The following NTM variants were observed in gnomAD, a reference collection of about 807,000 sequenced individuals.
The protein encoded by NTM is IgLON family member 2.
NTM carries 13 observed loss-of-function variants against 42.1 expected under a neutral mutation model. The observed-to-expected ratio is 0.31, with a 90% CI of 0.20 to 0.49. The LOEUF is 0.49. Ranked by LOEUF, NTM falls within the 20% of genes least tolerant of loss-of-function variation. The pLI is 0.99. For missense variants in NTM, 373 were observed against 452.8 expected (o/e 0.82, Z 1.60); for synonymous variants, 187 against 179.2 (o/e 1.04, Z -0.35).
intron 1 of NTM, among the ~76,000 whole-genome samples, chr11:131,710,950 G>T (rs1343210560): frequency 1.3e-5 from 2 of 151,994 alleles, no homozygotes; most frequent in Non-Finnish European, 2.9e-5. Context: ...AGTATTTCTG[G>T]CTACTGCACT....
At chr11:131,712,704 C>T (rs1385603567) in intron 1 of NTM, among the ~76,000 whole-genome samples, 1 of 152,124 alleles carries the variant, frequency 6.6e-6, no homozygotes, top group Non-Finnish European at 1.5e-5. Context: ...CCACCTCAGC[C>T]TCCCAAGTAG....
chr11:131,377,789 C>T (rs984796439), intron 1 of NTM, among the ~76,000 whole-genome samples: 4 of 152,188 alleles, frequency 2.6e-5, no homozygotes, highest in Non-Finnish European at 5.9e-5. Context: ...ACACTGTGTA[C>T]TCTAGCTGCA....
chr11:131,419,554 G>A (rs1451456037), intron 1 of NTM, among the ~76,000 whole-genome samples: 1 of 152,088 alleles, frequency 6.6e-6, no homozygotes, highest in Non-Finnish European at 1.5e-5. Flanking sequence ...CAGTGAGGTG[G>A]GGGAATAGCT....
chr11:131,572,080 C>T (rs1427622832), intron 1 of NTM, among the ~76,000 whole-genome samples: 1 of 152,216 alleles, frequency 6.6e-6, no homozygotes, highest in Non-Finnish European at 1.5e-5. Context: ...AAAACATGCA[C>T]ATCAGGTCAA....
rs528241058 is a variant in NTM, at chr11:132,188,199, A to G, written c.401-23823A>G. ...CAGAGATTCTGCAAAACATCCTGCA[A>G]TGCACAGGACAGCCCCACACAACAA... On this transcript the variant is annotated intron_variant, in intron 3 of 8. Coordinates refer to ENST00000683400, the MANE Select transcript of NTM (RefSeq NM_001352005.2). Among the ~76,000 whole-genome samples, 7 of 152,262 alleles carry G rather than the reference A, an allele frequency of 4.6e-5. No homozygotes were observed. The East Asian group carries it at 1.4e-3, about 29-fold the overall frequency.
intron 1 of NTM, among the ~76,000 whole-genome samples, chr11:131,543,710 C>A (rs888666195): frequency 6.6e-6 from 1 of 152,170 alleles, no homozygotes; most frequent in Non-Finnish European, 1.5e-5. Flanking sequence ...AGCACAGGTT[C>A]GAGCGCTCTC....
chr11:131,646,727 G>A (rs1297405516), intron 1 of NTM, among the ~76,000 whole-genome samples: 2 of 152,054 alleles, frequency 1.3e-5, no homozygotes, highest in Non-Finnish European at 2.9e-5. Flanking sequence ...CAACAGAAAC[G>A]TATAGTGGGG....
chr11:131,541,528 A>T lies in NTM; in HGVS notation c.82+170640A>T, dbSNP rs1243074271. 3.3e-5 allele frequency among the ~76,000 whole-genome samples: 5 copies of T among 152,196 alleles called. No individual in the cohort carries two copies. The East Asian group carries it at 9.6e-4, about 29-fold the overall frequency. On this transcript the variant is annotated intron_variant, in intron 1 of 8. Coordinates refer to ENST00000683400, the MANE Select transcript of NTM (RefSeq NM_001352005.2). Reference sequence around the variant, plus strand: ...TCGATTTTGTGAGCTATGTAAAGTCAGTCAATTTTGTGAGCTATGTAAAGC... The same window carrying T: ...TCGATTTTGTGAGCTATGTAAAGTCTGTCAATTTTGTGAGCTATGTAAAGC...
intron 1 of NTM, among the ~76,000 whole-genome samples, chr11:131,375,737 T>G (rs1417304223): frequency 6.6e-6 from 1 of 152,198 alleles, no homozygotes; most frequent in African/African-American, 2.4e-5. Flanking sequence ...AAAAGAGCTC[T>G]GGCTTCTGCT....
intron 1 of NTM, among the ~76,000 whole-genome samples, chr11:131,789,482 A>G (rs868562827): frequency 1.8e-4 from 2 of 11,406 alleles, no homozygotes; most frequent in Admixed American, 1.3e-3. Flanking sequence ...GAAGAAGAAG[A>G]AGAAGAAGAG....
At chr11:132,246,627 C>T (rs988496967) in intron 4 of NTM, among the ~76,000 whole-genome samples, 7 of 152,162 alleles carry the variant, frequency 4.6e-5, no homozygotes, top group East Asian at 1.9e-4. Context: ...CGCACACCTG[C>T]GGTGAGGAGT....
At position 132,202,240 on chromosome 11, in the gene NTM, A is replaced by G. The variant is rs373933640; in HGVS notation, c.401-9782A>G. ...CTCCAAGCTTCAGTTTCTCGACTAC[A>G]CGGTGGGGAATCATGCCTTAGGAGT... is the stretch of plus-strand genomic sequence containing the variant. On this transcript the variant is annotated intron_variant, in intron 3 of 8. Coordinates refer to ENST00000683400, the MANE Select transcript of NTM (RefSeq NM_001352005.2). 6.7e-4 allele frequency among the ~76,000 whole-genome samples: 102 copies of G among 152,282 alleles called. 3 individuals carry two copies. The highest frequency in any genetic ancestry group is 2.3e-3 in the African/African-American group (95 of 41,560).
intron 1 of NTM, among the ~76,000 whole-genome samples, chr11:131,580,007 C>T (rs556529296): frequency 7.2e-5 from 11 of 152,210 alleles, no homozygotes; most frequent in East Asian, 3.9e-4. Context: ...AGTTCTCTGC[C>T]GAGCCAGGAG....
rs35308058 is a variant in NTM at position 131,890,193 on chromosome 11, T to TCACA, written c.83-21358_83-21355dup. Among the ~76,000 whole-genome samples the TCACA allele has an allele frequency of 2.9e-4, 43 of 150,298 alleles. No homozygotes were observed. The East Asian group carries it at 2.9e-3, about 10-fold the overall frequency. On this transcript the variant is annotated intron_variant, in intron 1 of 8. Coordinates refer to ENST00000683400, the MANE Select transcript of NTM (RefSeq NM_001352005.2). Reference sequence around the variant, plus strand: ...CTCTCTCTCTGTCTCTCTCTCTCTCTCACACACACACACACATATCCACCT... The same window carrying TCACA: ...CTCTCTCTCTGTCTCTCTCTCTCTCTCACACACACACACACACACATATCCACCT...
chr11:132,134,753 A>C (rs57347962), intron 2 of NTM, among the ~76,000 whole-genome samples: 3,502 of 97,830 alleles, frequency 0.036, 259 homozygotes, highest in African/African-American at 0.062. Context: ...ATATATATAT[A>C]TATATATCTC....
chr11:132,238,726 G>A (rs1254281508), intron 4 of NTM, among the ~76,000 whole-genome samples: 1 of 152,148 alleles, frequency 6.6e-6, no homozygotes, highest in Non-Finnish European at 1.5e-5. Context: ...AGAAGTTTCT[G>A]CATAAAGCCT....
At chr11:132,315,141 A>C (rs1270743540) in intron 7 of NTM, 78 of 899,206 alleles carry the variant, frequency 8.7e-5, no homozygotes, top group Non-Finnish European at 1.0e-4. Flanking sequence ...ATTGGGTAAA[A>C]TAGTCAAGAA....
intron 1 of NTM, among the ~76,000 whole-genome samples, chr11:131,883,511 A>AG: frequency 6.6e-6 from 1 of 151,858 alleles, no homozygotes; most frequent in African/African-American, 2.4e-5. Context: ...GAGAGAAAAA[A>AG]CAGCACCAGG....
intron 1 of NTM, among the ~76,000 whole-genome samples, chr11:131,581,203 C>T (rs909390128): frequency 1.3e-5 from 2 of 152,236 alleles, no homozygotes; most frequent in African/African-American, 4.8e-5. Context: ...GCCCACTGCT[C>T]TTGCGGGTTG....
Sources: allele counts gnomAD v4.1 joint callset (sites outside exome capture counted in the v4.1 genomes callset), GRCh38; gene constraint gnomAD v4.1.1; transcripts MANE v1.5; gene names NCBI Gene and HGNC (gene_info 2026-07-23, HGNC 2026-07-21).